FNDC3B: variants seen among roughly 807,000 people sequenced by gnomAD.
The protein encoded by FNDC3B is fibronectin type III domain containing 3B.
FNDC3B carries 12 observed loss-of-function variants against 151.5 expected under a neutral mutation model. The ratio of observed to expected loss-of-function variants is 0.08; its 90% CI spans 0.05 to 0.13. The LOEUF (loss-of-function observed/expected upper bound fraction) is 0.13. FNDC3B is among the 10% of genes least tolerant of loss of function. The pLI is 1.00. For missense variants in FNDC3B, 1,214 were observed against 1,505.3 expected, an observed-to-expected ratio of 0.81 and a Z score of 3.20; for synonymous variants, 528 against 549.0, an observed-to-expected ratio of 0.96 and a Z score of 0.54.
intron 2 of FNDC3B, among the ~76,000 whole-genome samples, chr3:172,131,644 G>C (rs1366367339): frequency 2.6e-5 from 4 of 152,108 alleles, no homozygotes; most frequent in African/African-American, 9.7e-5. Context: ...TTTTTTCCAG[G>C]TAATGTATTT....
At chr3:172,172,430 T>C (rs957395962) in intron 3 of FNDC3B, among the ~76,000 whole-genome samples, 1 of 152,222 alleles carries the variant, frequency 6.6e-6, no homozygotes, top group East Asian at 1.9e-4. Flanking sequence ...TTATTTTTAG[T>C]GTGACAAAGT....
At chr3:172,194,755 G>A (rs1029637266) in intron 3 of FNDC3B, among the ~76,000 whole-genome samples, 1 of 152,198 alleles carries the variant, frequency 6.6e-6, no homozygotes, top group South Asian at 2.1e-4. Context: ...CATTAAAAAT[G>A]TATTTTTCTT....
intron 23 of FNDC3B, among the ~76,000 whole-genome samples, chr3:172,377,964 T>C (rs1735238749): frequency 6.6e-6 from 1 of 152,194 alleles, no homozygotes; most frequent in Non-Finnish European, 1.5e-5. Flanking sequence ...TTATGAAAAA[T>C]TTGAAAATTC....
intron 22 of FNDC3B, among the ~76,000 whole-genome samples, chr3:172,355,642 G>A (rs1007938275): frequency 1.3e-5 from 2 of 152,202 alleles, no homozygotes; most frequent in African/African-American, 4.8e-5. Context: ...GTTGCCTGGA[G>A]AACCTTTTCA....
intron 21 of FNDC3B, among the ~76,000 whole-genome samples, chr3:172,350,357 A>G (rs942537291): frequency 6.6e-6 from 1 of 152,130 alleles, no homozygotes; most frequent in Admixed American, 6.6e-5. Context: ...CTAAGCTTCA[A>G]CTCTTAAAAG....
At chr3:172,218,134 GAAAAAAAAAAAAA>G (rs57576493) in intron 3 of FNDC3B, among the ~76,000 whole-genome samples, 21 of 62,720 alleles carry the variant, frequency 3.3e-4, no homozygotes, top group Non-Finnish European at 6.5e-4. Context: ...CGACTTTCAG[GAAAAAAAAAAAAA>G]AAAAAAAAAA....
chr3:172,219,815 G>A (rs6779857), intron 3 of FNDC3B, among the ~76,000 whole-genome samples: 14,619 of 152,178 alleles, frequency 0.096, 1,303 homozygotes, highest in African/African-American at 0.24. Flanking sequence ...TGGTGGAGTA[G>A]TATTCTATGG....
Position 172,399,129 on chromosome 3 carries a change from A to G in FNDC3B, c.*1654A>G, listed in dbSNP as rs1486577153. Reference sequence around the variant, plus strand: ...TCCCATACCAAAGTCATGGGGAAACAAACATTATTTTGTTTTTGGTTTATT... The same window carrying G: ...TCCCATACCAAAGTCATGGGGAAACGAACATTATTTTGTTTTTGGTTTATT... On this transcript the variant is annotated 3_prime_UTR_variant, in exon 26 of 26. Transcript: ENST00000415807. 6.6e-6 allele frequency: 1 copy of G among 152,640 alleles called. No homozygotes were observed. Among genetic ancestry groups the G allele is most frequent in the Admixed American group, 6.5e-5 (1 of 15,276 alleles). The allele number at this position is 152,640 out of a possible 1,614,324, so 9.5% of individuals were successfully genotyped here.
chr3:172,343,902 G>A (rs1441271178), intron 18 of FNDC3B, among the ~76,000 whole-genome samples, 184 bp from the exon 19 acceptor site: 6 of 152,144 alleles, frequency 3.9e-5, no homozygotes, highest in African/African-American at 1.2e-4. Context: ...GGAGAGTATG[G>A]ATAACATCAT....
intron 11 of FNDC3B, among the ~76,000 whole-genome samples, chr3:172,326,517 T>TTTTG (rs1331467606): frequency 6.6e-6 from 1 of 152,164 alleles, no homozygotes; most frequent in Non-Finnish European, 1.5e-5. Context: ...AAGATTTATG[T>TTTTG]TTTGTTTGTT....
intron 4 of FNDC3B, among the ~76,000 whole-genome samples, chr3:172,236,531 T>C (rs1263239039): frequency 6.6e-6 from 1 of 152,210 alleles, no homozygotes; most frequent in East Asian, 1.9e-4. Context: ...TTCTTATATA[T>C]TAAGTTAATC....
intron 22 of FNDC3B, among the ~76,000 whole-genome samples, chr3:172,355,489 C>T (rs1009451818): frequency 4.9e-4 from 74 of 149,912 alleles, no homozygotes; most frequent in African/African-American, 1.7e-3. Flanking sequence ...TCAGGCTCCA[C>T]CCCAAACCTA....
At chr3:172,280,009 G>C (rs1252488098) in intron 6 of FNDC3B, among the ~76,000 whole-genome samples, 1 of 152,124 alleles carries the variant, frequency 6.6e-6, no homozygotes, top group Non-Finnish European at 1.5e-5. Flanking sequence ...CAACTCCTCG[G>C]GTTCTAGCGA....
chr3:172,278,486 C>T (rs1729543046), intron 6 of FNDC3B, among the ~76,000 whole-genome samples: 1 of 152,174 alleles, frequency 6.6e-6, no homozygotes, highest in African/African-American at 2.4e-5. Flanking sequence ...GGTTAGGGTT[C>T]AGCTAGCAGT....
At chr3:172,224,993 G>A (rs1726476869) in intron 3 of FNDC3B, among the ~76,000 whole-genome samples, 1 of 152,182 alleles carries the variant, frequency 6.6e-6, no homozygotes, top group Admixed American at 6.5e-5. Context: ...GTCTGAAGTT[G>A]ATTTTGATGT....
intron 25 of FNDC3B, among the ~76,000 whole-genome samples, chr3:172,389,908 T>G (rs1043325724): frequency 2.6e-5 from 4 of 152,190 alleles, no homozygotes; most frequent in African/African-American, 9.6e-5. Context: ...TACTAGAAAC[T>G]ACATGTTTTC....
At position 172,212,249 on chromosome 3, in the gene FNDC3B, G is replaced by T. The variant is rs140439436; in HGVS notation, c.188-14622G>T. Among the ~76,000 whole-genome samples, 204 of 152,318 alleles carry T rather than the reference G, an allele frequency of 1.3e-3. 1 individual carries two copies. Among genetic ancestry groups the T allele is most frequent in the African/African-American group, 4.7e-3 (194 of 41,568 alleles). On this transcript the variant is annotated intron_variant, in intron 3 of 25. Coordinates refer to ENST00000415807, the MANE Select transcript of FNDC3B (RefSeq NM_022763.4). ...ATAAAGTTTATGGAACTCTGTTAATGACTCTTTTTCCCTCTTTACTTTTAA... is the reference window on the plus strand; with the variant it reads ...ATAAAGTTTATGGAACTCTGTTAATTACTCTTTTTCCCTCTTTACTTTTAA...
At chr3:172,275,301 AG>A (rs1015840181) in intron 6 of FNDC3B, among the ~76,000 whole-genome samples, 15 of 151,982 alleles carry the variant, frequency 9.9e-5, no homozygotes, top group African/African-American at 3.4e-4. Context: ...TTTCATTCTG[AG>A]GGGGGGAAAT....
intron 12 of FNDC3B, 158 bp from the exon 13 acceptor site, chr3:172,330,383 G>A: frequency 5.5e-6 from 3 of 546,650 alleles, no homozygotes; most frequent in South Asian, 2.8e-5. Flanking sequence ...GAAGCTGAAG[G>A]TGGTTATAGG....
Sources: gnomAD v4.1 joint callset for allele counts (sites outside exome capture counted in the v4.1 genomes callset) on GRCh38, gnomAD v4.1.1 for gene constraint, MANE v1.5 for transcripts, NCBI Gene and HGNC (gene_info 2026-07-23, HGNC 2026-07-21) for gene names.